Variants in PPP2R1A observed in about 807,000 individuals in gnomAD.
PPP2R1A encodes the protein protein phosphatase 2 scaffold subunit Aalpha, also known as serine/threonine-protein phosphatase 2A 65 kDa regulatory subunit A alpha isoform.
In PPP2R1A, 15 loss-of-function variants were observed where a neutral mutation model predicts 67.1. That is an observed-to-expected ratio of 0.22 (90% CI 0.15 to 0.34). PPP2R1A has a LOEUF of 0.34. PPP2R1A is among the 10% of genes least tolerant of loss of function. The pLI is 1.00. For synonymous variants in PPP2R1A, 337 were observed against 325.0 expected (o/e 1.04, Z -0.40); for missense variants, 369 against 775.0 (o/e 0.48, Z 6.22).
chr19:52,212,877 G>C lies in PPP2R1A; in HGVS notation c.651+44G>C, dbSNP rs2122336599. ...CCCTCTGCTCTCCCGTCCTTCTGGT[G>C]GTTCCTGCCCATGAAAGAGAATCCC... On this transcript the variant is annotated intron_variant, in intron 5 of 14. Coordinates refer to ENST00000322088, the MANE Select transcript of PPP2R1A (RefSeq NM_014225.6). The surrounding 1 kb of genome is among the most constrained non-coding windows in gnomAD (Gnocchi z 4.1). The C allele has an allele frequency of 2.5e-6, 4 of 1,570,524 alleles. No homozygotes were observed. The highest frequency in any genetic ancestry group is 3.5e-6 in the Non-Finnish European group (4 of 1,156,834).
intron 1 of PPP2R1A, among the ~76,000 whole-genome samples, chr19:52,192,290 G>T (rs1473345274): frequency 6.6e-6 from 1 of 151,654 alleles, no homozygotes; most frequent in African/African-American, 2.4e-5. Flanking sequence ...GAACAGATAT[G>T]TAATGGCCTT....
intron 3 of PPP2R1A, among the ~76,000 whole-genome samples, chr19:52,208,335 AT>A (rs2122320129): frequency 6.7e-6 from 1 of 150,244 alleles, no homozygotes; most frequent in South Asian, 2.1e-4. Context: ...CACCCAGCTA[AT>A]TTTTGCATTT....
chr19:52,221,783 A>C (rs1267090206), intron 12 of PPP2R1A, among the ~76,000 whole-genome samples: 1 of 152,198 alleles, frequency 6.6e-6, no homozygotes, highest in Non-Finnish European at 1.5e-5. Flanking sequence ...ATTTAAAAAT[A>C]AATATAACTA....
In PPP2R1A at chr19:52,228,626, A is replaced by G. The variant is rs900915035; in HGVS notation, c.*2645A>G. On this transcript the variant is annotated 3_prime_UTR_variant, in exon 15 of 15. Transcript: ENST00000322088. ...ATGCTGGAGCTGGGTCAGGGTGGAG[A>G]GACTGTGTGGAGCCAGGACTCATGA... 2 of 152,082 alleles carry G rather than the reference A, an allele frequency of 1.3e-5. No homozygotes were observed. The highest frequency in any genetic ancestry group is 4.8e-5 in the African/African-American group (2 of 41,396). 9.4% of individuals were successfully genotyped at this position (152,082 alleles called of 1,614,324 possible).
chr19:52,221,043 G>A lies in PPP2R1A; in HGVS notation c.1428G>A (p.Glu476=), dbSNP rs930933229. The A allele has an allele frequency of 2.5e-6, 4 of 1,614,112 alleles. No individual in the cohort carries two copies. In the South Asian group the frequency reaches 3.3e-5, roughly 13 times the overall value. Residue 476 remains glutamate (E), a synonymous_variant, in exon 12 of 15, where the codon GAG becomes GAA. Transcript: ENST00000322088. ...LKKLVEKFGK[E]WAHATIIPKV... Reference sequence around the variant, plus strand: ...AGCTAGTGGAAAAGTTTGGGAAGGAGTGGGCCCATGCCACAATCATCCCCA... The same window carrying A: ...AGCTAGTGGAAAAGTTTGGGAAGGAATGGGCCCATGCCACAATCATCCCCA...
intron 1 of PPP2R1A, chr19:52,200,966 T>G (rs2089541756): frequency 6.6e-6 from 1 of 150,878 alleles, no homozygotes; most frequent in Non-Finnish European, 1.5e-5. Flanking sequence ...AACCCTCCGT[T>G]TAGGGTGATA....
chr19:52,221,181 C>T (rs372983085), intron 12 of PPP2R1A, 48 bp downstream of exon 12: 468 of 1,609,650 alleles, frequency 2.9e-4, no homozygotes, highest in Middle Eastern at 5.1e-4. Context: ...AACTGGAGCG[C>T]GTGGGAGAGG....
At chr19:52,225,668 A>T in intron 13 of PPP2R1A, 49 bp from the exon 14 acceptor site, 2 of 1,564,682 alleles carry the variant, frequency 1.3e-6, no homozygotes, top group East Asian at 4.5e-5. Flanking sequence ...CTGTTGCCCC[A>T]GTCCATCCTG....
chr19:52,202,156 A>G (rs1371128332), intron 2 of PPP2R1A, 122 bp downstream of exon 2: 17 of 803,078 alleles, frequency 2.1e-5, no homozygotes, highest in East Asian at 1.9e-4. Context: ...GTTAGACACT[A>G]TGGAGTGGGA....
At chr19:52,215,365 T>C (rs1978504629) in intron 6 of PPP2R1A, among the ~76,000 whole-genome samples, 1 of 152,206 alleles carries the variant, frequency 6.6e-6, no homozygotes, top group Admixed American at 6.5e-5. Flanking sequence ...GCCTATTGTT[T>C]TATTTTCATT....
intron 3 of PPP2R1A, among the ~76,000 whole-genome samples, chr19:52,207,522 T>A (rs1209729737): frequency 6.6e-6 from 1 of 152,134 alleles, no homozygotes; most frequent in East Asian, 1.9e-4. Flanking sequence ...CAAGCCACGC[T>A]TCCTTTTGGG....
intron 2 of PPP2R1A, among the ~76,000 whole-genome samples, chr19:52,203,595 C>T (rs2122305024): frequency 6.6e-6 from 1 of 152,262 alleles, no homozygotes; most frequent in African/African-American, 2.4e-5. Context: ...TTTCACACCA[C>T]AGCAATCATA....
At chr19:52,215,942 G>T (rs765114693) in intron 7 of PPP2R1A, 49 bp downstream of exon 7, 1 of 1,610,520 alleles carries the variant, frequency 6.2e-7, no homozygotes. Flanking sequence ...TATCCAAGGG[G>T]CTGGAGGTGG....
chr19:52,206,168 G>A (rs1158476442), intron 3 of PPP2R1A, 105 bp downstream of exon 3: 16 of 968,396 alleles, frequency 1.7e-5, no homozygotes, highest in Admixed American at 2.4e-5. Context: ...TGGGGATCAC[G>A]TCAGAACAGC....
intron 1 of PPP2R1A, 136 bp downstream of exon 1, chr19:52,190,310 C>G (rs752134274): frequency 7.6e-6 from 8 of 1,056,802 alleles, no homozygotes; most frequent in Non-Finnish European, 4.1e-6. Flanking sequence ...TCTCTTATCT[C>G]CCCGGTTGCC....
chr19:52,212,866 G>A lies in PPP2R1A; in HGVS notation c.651+33G>A, dbSNP rs113726546. The A allele has an allele frequency of 1.0e-3, 1,632 of 1,575,272 alleles. 14 individuals carry two copies. The African/African-American group carries it at 0.019, about 18-fold the overall frequency. ...TTGCTTCCTGGCCCTCTGCTCTCCCGTCCTTCTGGTGGTTCCTGCCCATGA... is the reference window on the plus strand; with the variant it reads ...TTGCTTCCTGGCCCTCTGCTCTCCCATCCTTCTGGTGGTTCCTGCCCATGA... On this transcript the variant is annotated intron_variant, in intron 5 of 14. Coordinates refer to ENST00000322088, the MANE Select transcript of PPP2R1A (RefSeq NM_014225.6). The surrounding 1 kb of genome is among the most constrained non-coding windows in gnomAD (Gnocchi z 4.1).
Position 52,228,752 on chromosome 19 carries a change from C to G in PPP2R1A, c.*2771C>G, listed in dbSNP as rs1405622488. ...AGCACTGTTCTTCAGAGCCCACACA[C>G]AAATTTTGTCTCCTTTTGTGATGAC... On this transcript the variant is annotated 3_prime_UTR_variant, in exon 15 of 15. Coordinates refer to ENST00000322088, the MANE Select transcript of PPP2R1A (RefSeq NM_014225.6). The G allele has an allele frequency of 6.6e-6, 1 of 152,278 alleles. No individual in the cohort carries two copies. Among genetic ancestry groups the G allele is most frequent in the Non-Finnish European group, 1.5e-5 (1 of 68,088 alleles). The allele number at this position is 152,278 out of a possible 1,614,324, so 9.4% of individuals were successfully genotyped here.
chr19:52,215,160 A>G (rs1436843682), intron 6 of PPP2R1A, among the ~76,000 whole-genome samples: 1 of 151,864 alleles, frequency 6.6e-6, no homozygotes, highest in Non-Finnish European at 1.5e-5. Flanking sequence ...GGCTCAGGTG[A>G]TCCTCCCACT....
chr19:52,211,963 G>A lies in PPP2R1A; in HGVS notation c.503+471G>A, dbSNP rs2089674390. Among the ~76,000 whole-genome samples, 2 of 152,296 alleles carry A rather than the reference G, an allele frequency of 1.3e-5. No homozygotes were observed. Among genetic ancestry groups the A allele is most frequent in the South Asian group, 4.1e-4 (2 of 4,830 alleles). On this transcript the variant is annotated intron_variant, in intron 4 of 14. Transcript: ENST00000322088. This position sits in a 1 kb window ranked among gnomAD's most constrained non-coding sequence, Gnocchi z 5.3. ...TGAGCCTGACTCACTCCAGAACTCTGGTTTATGGCTGTACACTTGCTTAGA... is the reference window on the plus strand; with the variant it reads ...TGAGCCTGACTCACTCCAGAACTCTAGTTTATGGCTGTACACTTGCTTAGA...
Sources: allele counts gnomAD v4.1 joint callset (sites outside exome capture counted in the v4.1 genomes callset), GRCh38; gene constraint gnomAD v4.1.1; non-coding constraint Gnocchi (gnomAD v3.1); transcripts MANE v1.5; gene names NCBI Gene and HGNC (gene_info 2026-07-23, HGNC 2026-07-21).